The following FOXP1 variants were observed in gnomAD, a reference collection of about 807,000 sequenced individuals.
The protein encoded by FOXP1 is forkhead box protein P1.
FOXP1 carries 15 observed loss-of-function variants against 98.2 expected under a neutral mutation model. The ratio of observed to expected loss-of-function variants is 0.15; its 90% confidence interval spans 0.10 to 0.24. The LOEUF (loss-of-function observed/expected upper bound fraction) is 0.24. FOXP1 is among the 10% of genes least tolerant of loss of function. The pLI is 1.00. For missense variants in FOXP1, 633 were observed against 848.5 expected (o/e 0.75, Z 3.15); for synonymous variants, 371 against 314.5 (o/e 1.18, Z -1.90).
intron 11 of FOXP1, among the ~76,000 whole-genome samples, chr3:71,016,656 A>AACACACACACACACAC (rs4056100): frequency 2.7e-5 from 4 of 146,148 alleles, no homozygotes; most frequent in Admixed American, 6.9e-5. Flanking sequence ...TGATTACAAG[A>AACACACACACACACAC]ACACACACAC....
At chr3:71,564,003 C>G (rs1490426367) in intron 2 of FOXP1, among the ~76,000 whole-genome samples, 2 of 152,204 alleles carry the variant, frequency 1.3e-5, no homozygotes, top group Non-Finnish European at 2.9e-5. Context: ...ACCTGCTTGG[C>G]ACCATTTGAA....
intron 7 of FOXP1, among the ~76,000 whole-genome samples, chr3:71,107,701 C>A (rs1198751710): frequency 2.0e-5 from 3 of 152,136 alleles, no homozygotes; most frequent in Non-Finnish European, 4.4e-5. Flanking sequence ...CAAAACCATT[C>A]CATTTCACTA....
chr3:71,226,835 C>T (rs2065878858), intron 5 of FOXP1, among the ~76,000 whole-genome samples: 1 of 152,128 alleles, frequency 6.6e-6, no homozygotes. Flanking sequence ...TGCAAGGGCA[C>T]TAAGTGCGCT....
At position 71,298,764 on chromosome 3, in the gene FOXP1, A is replaced by AC. The variant is rs80230423; in HGVS notation, c.-12+1055dup. 1.3e-3 allele frequency among the ~76,000 whole-genome samples: 202 copies of AC among 151,366 alleles called. 3 individuals are homozygous for AC. The South Asian group carries it at 0.023, about 17-fold the overall frequency. On this transcript the variant is annotated intron_variant, in intron 5 of 20. Coordinates refer to ENST00000649528, the MANE Select transcript of FOXP1 (RefSeq NM_001349338.3). ...ATCCTTTATATATATGCATTCTAGAACCCCCCCAAGCCCCAGGTGAGACTT... is the reference window on the plus strand; with the variant it reads ...ATCCTTTATATATATGCATTCTAGAACCCCCCCCAAGCCCCAGGTGAGACTT...
chr3:71,162,742 C>T (rs145856868), intron 6 of FOXP1, among the ~76,000 whole-genome samples: 42 of 152,332 alleles, frequency 2.8e-4, no homozygotes, highest in African/African-American at 9.9e-4. Flanking sequence ...TCCTTTGGAA[C>T]ATAGTACCCC....
At chr3:71,315,133 G>A (rs1036023672) in intron 4 of FOXP1, among the ~76,000 whole-genome samples, 8 of 130,676 alleles carry the variant, frequency 6.1e-5, no homozygotes, top group Non-Finnish European at 1.3e-4. Flanking sequence ...AAAAGAAAAA[G>A]CTCATATTTT....
In FOXP1 at chr3:71,001,002, T is replaced by C. The variant is rs2042060850; in HGVS notation, c.1032A>G (p.Gln344=). 1.9e-6 allele frequency: 3 copies of C among 1,613,334 alleles called. No homozygotes were observed. The highest frequency in any genetic ancestry group is 1.1e-5 in the South Asian group (1 of 91,074). Residue 344 remains glutamine (Q), a synonymous_variant, in exon 13 of 21, where the codon CAA becomes CAG. Coordinates refer to ENST00000649528, the MANE Select transcript of FOXP1 (RefSeq NM_001349338.3). ...GCTCTAACTGCTGTACAACCTGCAT[T>C]TGTACTCTACATTGGGCTGTACTTC... ...DDRSTAQCRV[Q]MQVVQQLELQ...
At chr3:71,064,892 G>C in intron 7 of FOXP1, 2 of 832,586 alleles carry the variant, frequency 2.4e-6, no homozygotes, top group Non-Finnish European at 2.9e-6. Context: ...GCCGGGCGTG[G>C]GGTCCGGCGG....
intron 3 of FOXP1, among the ~76,000 whole-genome samples, chr3:71,388,768 A>T (rs778417394): frequency 6.6e-6 from 1 of 152,232 alleles, no homozygotes; most frequent in Admixed American, 6.5e-5. Flanking sequence ...AATCAAGTCT[A>T]CAAGGCGGAC....
intron 3 of FOXP1, among the ~76,000 whole-genome samples, chr3:71,480,621 C>T (rs561122999): frequency 2.0e-5 from 3 of 152,320 alleles, no homozygotes; most frequent in African/African-American, 7.2e-5. Flanking sequence ...CACATGGTCA[C>T]AGGGCACTCA....
At chr3:71,512,804 G>A (rs746405871) in intron 2 of FOXP1, among the ~76,000 whole-genome samples, 37 of 152,208 alleles carry the variant, frequency 2.4e-4, no homozygotes, top group Non-Finnish European at 4.4e-4. Flanking sequence ...TAATGAGGGA[G>A]GAAAGACCAT....
intron 2 of FOXP1, among the ~76,000 whole-genome samples, chr3:71,496,393 G>C (rs1426942840): frequency 6.6e-6 from 1 of 152,202 alleles, no homozygotes; most frequent in Admixed American, 6.5e-5. Flanking sequence ...GAAGGCTTGG[G>C]GGTGAGGAGT....
intron 4 of FOXP1, among the ~76,000 whole-genome samples, chr3:71,329,091 C>G (rs1024508009): frequency 2.0e-5 from 3 of 151,782 alleles, no homozygotes; most frequent in Non-Finnish European, 2.9e-5. Flanking sequence ...CCTGAGCTCA[C>G]GCCTGGTGCC....
At chr3:71,545,177 C>T (rs980845321) in intron 2 of FOXP1, among the ~76,000 whole-genome samples, 3 of 152,034 alleles carry the variant, frequency 2.0e-5, no homozygotes, top group Non-Finnish European at 2.9e-5. Context: ...AGCATGCTGT[C>T]ATGGAAATAC....
intron 6 of FOXP1, among the ~76,000 whole-genome samples, chr3:71,170,122 G>A (rs1226739743): frequency 1.3e-5 from 2 of 152,188 alleles, no homozygotes. Flanking sequence ...AGCAAACTTA[G>A]TAAATAATGA....
chr3:71,108,526 G>T (rs1199638327), intron 7 of FOXP1, among the ~76,000 whole-genome samples: 2 of 152,172 alleles, frequency 1.3e-5, no homozygotes, highest in East Asian at 3.9e-4. Context: ...AACACTTTGG[G>T]AGGTCGAGGC....
chr3:71,247,566 TG>T (rs1560182211), intron 5 of FOXP1, among the ~76,000 whole-genome samples: 2 of 152,184 alleles, frequency 1.3e-5, no homozygotes, highest in African/African-American at 4.8e-5. Context: ...GCGACTTTGG[TG>T]GCGAAATCAA....
chr3:71,279,192 A>AAAAAAAAAAC lies in FOXP1; in HGVS notation c.-12+20627_-12+20628insGTTTTTTTTT, dbSNP rs368277709. ...CATCTCAAAAAAAAAAAAAAAAAAA[A>AAAAAAAAAAC]AGAAAGAAATAGGAATTGATACCAT... On this transcript the variant is annotated intron_variant, in intron 5 of 20. Coordinates refer to ENST00000649528, the MANE Select transcript of FOXP1 (RefSeq NM_001349338.3). 2.5e-3 allele frequency among the ~76,000 whole-genome samples: 354 copies of AAAAAAAAAAC among 139,304 alleles called. 7 individuals carry two copies. The highest frequency in any genetic ancestry group is 4.7e-3 in the East Asian group (20 of 4,276). 91.4% of individuals were successfully genotyped at this position (139,304 alleles called of 152,430 possible).
At chr3:71,418,843 G>C (rs1465060765) in intron 3 of FOXP1, among the ~76,000 whole-genome samples, 1 of 151,774 alleles carries the variant, frequency 6.6e-6, no homozygotes, top group African/African-American at 2.4e-5. Flanking sequence ...GCATCTGCCA[G>C]GCATGGTGGC....
Sources: gnomAD v4.1 joint callset for allele counts (sites outside exome capture counted in the v4.1 genomes callset) on GRCh38, gnomAD v4.1.1 for gene constraint, MANE v1.5 for transcripts, NCBI Gene and HGNC (gene_info 2026-07-23, HGNC 2026-07-21) for gene names.